The following SCG3 variants were observed in gnomAD, a reference collection of about 807,000 sequenced individuals.
The protein encoded by SCG3 is secretogranin III, also known as secretogranin-3.
In SCG3, 38 loss-of-function variants were observed where a neutral mutation model predicts 56.2. The observed-to-expected ratio is 0.68, with a 90% CI of 0.52 to 0.89. The LOEUF (loss-of-function observed/expected upper bound fraction) is 0.89. Among genes scored for constraint, SCG3 ranks in the 40% least tolerant of loss-of-function variants. The pLI, the probability that SCG3 is intolerant of heterozygous loss-of-function variation, is 0.00. For missense variants in SCG3, 524 were observed against 540.7 expected, an observed-to-expected ratio of 0.97 and a Z score of 0.31; for synonymous variants, 176 against 184.2, an observed-to-expected ratio of 0.96 and a Z score of 0.36.
At chr15:51,685,809 T>G (rs1326693781) in intron 4 of SCG3, among the ~76,000 whole-genome samples, 1 of 152,218 alleles carries the variant, frequency 6.6e-6, no homozygotes, top group Non-Finnish European at 1.5e-5. Context: ...TATGCACAAT[T>G]TAGGATCTTT....
rs2055491945 is a variant in SCG3, at chr15:51,720,770, T to A, written c.*1244T>A. The A allele has an allele frequency of 6.5e-6, 1 of 154,218 alleles. No individual in the cohort carries two copies. 9.6% of individuals were successfully genotyped at this position (154,218 alleles called of 1,614,324 possible). A position where few individuals can be genotyped will look rare whatever the true frequency, so the allele number is the denominator to read the frequency against. ...TGTAGCTAGCAATAGGTTTGTAAAATGCACCCATCAGCACTCTGTAAAACG... is the reference window on the plus strand; with the variant it reads ...TGTAGCTAGCAATAGGTTTGTAAAAAGCACCCATCAGCACTCTGTAAAACG... On this transcript the variant is annotated 3_prime_UTR_variant, in exon 12 of 12. Transcript: ENST00000220478.
chr15:51,689,461 T>C lies in SCG3; in HGVS notation c.690+93T>C, dbSNP rs2055252961. On this transcript the variant is annotated intron_variant, in intron 6 of 11. Transcript: ENST00000220478. ...TCTATCTGTATAATAATTGCCTTAC[T>C]TGATACCAAAGAAGATTTGAGGTAT... 2.1e-6 allele frequency: 3 copies of C among 1,412,722 alleles called. No homozygotes were observed. In the East Asian group the frequency reaches 7.6e-5, roughly 36 times the overall value. 87.5% of individuals were successfully genotyped at this position (1,412,722 alleles called of 1,614,324 possible).
At chr15:51,702,689 G>T (rs2055347246) in intron 10 of SCG3, among the ~76,000 whole-genome samples, 1 of 152,158 alleles carries the variant, frequency 6.6e-6, no homozygotes, top group Admixed American at 6.5e-5. Flanking sequence ...AGTGGTTCAA[G>T]TCCCCTTATT....
In SCG3 at chr15:51,720,951, A is replaced by C. The variant is rs1133882; in HGVS notation, c.*1425A>C. 6.4e-6 allele frequency: 1 copy of C among 156,098 alleles called. No homozygotes were observed. 9.7% of individuals were successfully genotyped at this position (156,098 alleles called of 1,614,324 possible). A position where few individuals can be genotyped will look rare whatever the true frequency, so the allele number is the denominator to read the frequency against. ...AAATCTGGCCACCCCAGCCAGCAGC[A>C]GCAACCTGTTCAGGTCGCCTGCCGC... is the stretch of plus-strand genomic sequence containing the variant. On this transcript the variant is annotated 3_prime_UTR_variant, in exon 12 of 12. Coordinates refer to ENST00000220478, the MANE Select transcript of SCG3 (RefSeq NM_013243.4).
intron 6 of SCG3, among the ~76,000 whole-genome samples, chr15:51,691,434 G>A (rs1480306535): frequency 1.3e-5 from 2 of 152,192 alleles, no homozygotes; most frequent in East Asian, 3.8e-4. Flanking sequence ...GGAGGGTGAT[G>A]TTGCAGTTAG....
rs181040609 is a variant in SCG3, at chr15:51,701,934, G to A, written c.1207+690G>A. On this transcript the variant is annotated intron_variant, in intron 10 of 11. Coordinates refer to ENST00000220478, the MANE Select transcript of SCG3 (RefSeq NM_013243.4). ...GGAACATCACACACCGGGGCCTGTC[G>A]TGGGGTCGGGGGATGGGGGAGGATT... 3.2e-3 allele frequency among the ~76,000 whole-genome samples: 480 copies of A among 152,166 alleles called. 4 individuals are homozygous for A. Among genetic ancestry groups the A allele is most frequent in the African/African-American group, 0.011 (447 of 41,508 alleles).
chr15:51,686,641 C>T lies in SCG3; in HGVS notation c.398-1619C>T, dbSNP rs892567870. On this transcript the variant is annotated intron_variant, in intron 4 of 11. Coordinates refer to ENST00000220478, the MANE Select transcript of SCG3 (RefSeq NM_013243.4). The stretch of plus-strand genomic sequence containing the variant: ...GTCTCTGCTCCTGAAAAATAGATGA[C>T]GATCCAAATTTTCAGCCAGCCAGGA... Among the ~76,000 whole-genome samples, 4 of 150,868 alleles carry T rather than the reference C, an allele frequency of 2.7e-5. No individual in the cohort carries two copies. The East Asian group carries it at 5.9e-4, about 22-fold the overall frequency.
intron 11 of SCG3, among the ~76,000 whole-genome samples, chr15:51,716,357 T>A (rs1172396003): frequency 6.6e-6 from 1 of 152,220 alleles, no homozygotes; most frequent in Non-Finnish European, 1.5e-5. Flanking sequence ...GCAAAATGTA[T>A]GTTCAGCTTC....
chr15:51,688,352 G>T lies in SCG3; in HGVS notation c.490G>T (p.Asp164Tyr). ...KIAARIYEENDRAVFDKIVSK... is the reference protein window; with the variant it reads ...KIAARIYEENYRAVFDKIVSK... The stretch of plus-strand genomic sequence containing the variant: ...CGCTGCCAGGATTTATGAAGAAAAT[G>T]ACAGAGCCGTGTTTGACAAGATTGT... Residue 164 changes from aspartate to tyrosine, a missense_variant, in exon 5 of 12, where the codon GAC (aspartate) becomes TAC (tyrosine). Asp to Tyr is a radical substitution (Grantham distance 160, BLOSUM62 -3). Coordinates refer to ENST00000220478, the MANE Select transcript of SCG3 (RefSeq NM_013243.4). 6.2e-7 allele frequency: 1 copy of T among 1,613,858 alleles called. No homozygotes were observed.
At chr15:51,692,026 AC>A in intron 6 of SCG3, 132 bp from the exon 7 acceptor site, 1 of 772,406 alleles carries the variant, frequency 1.3e-6, no homozygotes, top group Non-Finnish European at 2.0e-6. Context: ...ATGGGTTTGA[AC>A]CTGCAGGAGC....
intron 9 of SCG3, among the ~76,000 whole-genome samples, chr15:51,700,240 A>G (rs1329804147): frequency 2.0e-5 from 3 of 152,224 alleles, no homozygotes; most frequent in Non-Finnish European, 2.9e-5. Context: ...GCATCTCTCT[A>G]CATACCGCAT....
chr15:51,719,042 T>C (rs2055478247), intron 11 of SCG3, among the ~76,000 whole-genome samples: 1 of 152,088 alleles, frequency 6.6e-6, no homozygotes. Flanking sequence ...ATAACCTGGA[T>C]CCTCACCCCA....
intron 10 of SCG3, among the ~76,000 whole-genome samples, chr15:51,711,523 T>C (rs959843918): frequency 3.9e-5 from 6 of 152,254 alleles, no homozygotes; most frequent in Non-Finnish European, 7.3e-5. Context: ...TGATTTAAAC[T>C]CTTTAAAATA....
chr15:51,712,792 G>A (rs1374548038), intron 10 of SCG3, among the ~76,000 whole-genome samples: 1 of 152,176 alleles, frequency 6.6e-6, no homozygotes, highest in Non-Finnish European at 1.5e-5. Context: ...ACCTTGAAGT[G>A]AGGCACTGGT....
At chr15:51,696,021 T>G (rs2055301351) in intron 8 of SCG3, 30 bp downstream of exon 8, 1 of 1,300,786 alleles carries the variant, frequency 7.7e-7, no homozygotes, top group Admixed American at 1.7e-5. Context: ...GTTTCTACTG[T>G]GGTGGTTTTC....
chr15:51,691,905 G>C (rs560030691), intron 6 of SCG3, among the ~76,000 whole-genome samples: 6 of 150,528 alleles, frequency 4.0e-5, no homozygotes, highest in Admixed American at 1.3e-4. Flanking sequence ...AGAAATTCCC[G>C]TTTTTCCCCT....
At position 51,721,023 on chromosome 15, in the gene SCG3, T is replaced by C. The variant is rs60590663; in HGVS notation, c.*1497T>C. On this transcript the variant is annotated 3_prime_UTR_variant, in exon 12 of 12. Coordinates refer to ENST00000220478, the MANE Select transcript of SCG3 (RefSeq NM_013243.4). The stretch of plus-strand genomic sequence containing the variant: ...CTCTTCATAATAAACCTTGCTACTG[T>C]TCACTCTTTGGGTCCGTGCCATCTT... 1,681 of 153,698 alleles carry C rather than the reference T, an allele frequency of 0.011. 18 individuals carry two copies. Among genetic ancestry groups the C allele is most frequent in the African/African-American group, 0.025 (1,025 of 41,588 alleles). The allele number at this position is 153,698 out of a possible 1,614,324, so 9.5% of individuals were successfully genotyped here. A position where few individuals can be genotyped will look rare whatever the true frequency, so the allele number is the denominator to read the frequency against.
In SCG3 at chr15:51,682,567, C is replaced by T; in HGVS notation, c.133C>T (p.Gln45Ter). ...ELSAERPLNEQIAEAEEDKIK... is the reference protein window; with the variant it reads ...ELSAERPLNE ...AAGTGCAGAAAGACCTTTGAATGAACAGGTAGGTCAAAAGTAACATTATGA... is the reference window on the plus strand; with the variant it reads ...AAGTGCAGAAAGACCTTTGAATGAATAGGTAGGTCAAAAGTAACATTATGA... Residue 45 changes from glutamine (Q) to a stop codon, truncating the protein, a stop_gained and splice_region_variant, in exon 2 of 12, where the codon CAG (glutamine) becomes TAG (stop). Coordinates refer to ENST00000220478, the MANE Select transcript of SCG3 (RefSeq NM_013243.4). LOFTEE classifies it high-confidence loss of function. The T allele has an allele frequency of 7.1e-7, 1 of 1,415,520 alleles. No individual in the cohort carries two copies. The highest frequency in any genetic ancestry group is 9.5e-7 in the Non-Finnish European group (1 of 1,052,862). The allele number at this position is 1,415,520 out of a possible 1,614,324, so 87.7% of individuals were successfully genotyped here. A position where few individuals can be genotyped will look rare whatever the true frequency, so the allele number is the denominator to read the frequency against.
chr15:51,682,364 T>A lies in SCG3; in HGVS notation c.83-153T>A, dbSNP rs936572688. On this transcript the variant is annotated intron_variant, in intron 1 of 11. Coordinates refer to ENST00000220478, the MANE Select transcript of SCG3 (RefSeq NM_013243.4). Reference sequence around the variant, plus strand: ...ATTGATAATTACTATTATTGTATAATCTTGATAATCTTTGTTAATATGCAT... The same window carrying A: ...ATTGATAATTACTATTATTGTATAAACTTGATAATCTTTGTTAATATGCAT... Among the ~76,000 whole-genome samples, 5 of 152,272 alleles carry A rather than the reference T, an allele frequency of 3.3e-5. No homozygotes were observed. In the Middle Eastern group the frequency reaches 0.014, roughly 414 times the overall value.
Sources: allele counts gnomAD v4.1 joint callset (sites outside exome capture counted in the v4.1 genomes callset), GRCh38; gene constraint gnomAD v4.1.1; transcripts MANE v1.5; gene names NCBI Gene and HGNC (gene_info 2026-07-23, HGNC 2026-07-21).